Variants in MCTP1 observed in about 807,000 individuals in gnomAD.
MCTP1 encodes multiple C2 and transmembrane domain containing 1.
A neutral mutation model predicts 120.6 loss-of-function variants in MCTP1; 69 were observed. That is an observed-to-expected ratio of 0.57 (90% confidence interval 0.47 to 0.70). The LOEUF (loss-of-function observed/expected upper bound fraction) is 0.70, where lower values mean the gene tolerates loss of function less well. Among genes scored for constraint, MCTP1 ranks in the 30% least tolerant of loss-of-function variants. The pLI is 0.00. For synonymous variants in MCTP1, 529 were observed against 493.1 expected (o/e 1.07, Z -0.96); for missense variants, 1,203 against 1,248.8 (o/e 0.96, Z 0.55).
chr5:94,924,132 C>G, intron 6 of MCTP1, 111 bp from the exon 7 acceptor site: 1 of 539,168 alleles, frequency 1.9e-6, no homozygotes, highest in Non-Finnish European at 3.1e-6. Flanking sequence ...AATTATATAT[C>G]CTAAAGATAC....
chr5:94,821,531 T>G (rs1184614317), intron 17 of MCTP1, among the ~76,000 whole-genome samples: 1 of 152,200 alleles, frequency 6.6e-6, no homozygotes. Flanking sequence ...TATTTAGACA[T>G]GCAATTTGTA....
At chr5:95,004,157 T>C (rs978101209) in intron 2 of MCTP1, among the ~76,000 whole-genome samples, 3 of 152,222 alleles carry the variant, frequency 2.0e-5, no homozygotes, top group African/African-American at 7.2e-5. Context: ...TGTGGAATTC[T>C]GAACTTGAGA....
intron 1 of MCTP1, among the ~76,000 whole-genome samples, chr5:95,220,773 T>C (rs1753598730): frequency 6.6e-6 from 1 of 152,236 alleles, no homozygotes; most frequent in South Asian, 2.1e-4. Flanking sequence ...ACTGTGAAAT[T>C]CTTTACCTCA....
At chr5:95,259,797 CA>C (rs1466290926) in intron 1 of MCTP1, among the ~76,000 whole-genome samples, 1 of 152,168 alleles carries the variant, frequency 6.6e-6, no homozygotes, top group Non-Finnish European at 1.5e-5. Flanking sequence ...GCCACCGGTA[CA>C]ATCCTGCTTC....
At chr5:94,950,366 A>G (rs1024417359) in intron 3 of MCTP1, among the ~76,000 whole-genome samples, 1 of 152,106 alleles carries the variant, frequency 6.6e-6, no homozygotes, top group Non-Finnish European at 1.5e-5. Flanking sequence ...AATCTTATAT[A>G]TTGAAAGTTC....
chr5:95,193,765 A>G (rs1011564138), intron 1 of MCTP1, among the ~76,000 whole-genome samples: 2 of 152,230 alleles, frequency 1.3e-5, no homozygotes, highest in African/African-American at 2.4e-5. Context: ...ATACATATGG[A>G]TATCACAGGA....
intron 17 of MCTP1, among the ~76,000 whole-genome samples, chr5:94,838,197 G>A (rs40625): frequency 0.036 from 5,464 of 152,240 alleles, 138 homozygotes; most frequent in Non-Finnish European, 0.057. Context: ...AGCCATCATC[G>A]TACTTTACAC....
rs182827520 is a variant in MCTP1 at position 94,967,833 on chromosome 5, G to A, written c.839-14472C>T. 4.6e-5 allele frequency among the ~76,000 whole-genome samples: 7 copies of A among 152,272 alleles called. No homozygotes were observed. The East Asian group carries it at 1.3e-3, about 29-fold the overall frequency. ...AAACAGATCCAGGCGAACAACTCTT[G>A]GTAGTTCGTCATCTAATTTTCTCTG... is the stretch of plus-strand genomic sequence containing the variant. On this transcript the variant is annotated intron_variant, in intron 2 of 22. Coordinates refer to ENST00000515393, the MANE Select transcript of MCTP1 (RefSeq NM_024717.7).
At chr5:95,107,563 A>G (rs1429776740) in intron 1 of MCTP1, among the ~76,000 whole-genome samples, 1 of 152,260 alleles carries the variant, frequency 6.6e-6, no homozygotes, top group Non-Finnish European at 1.5e-5. Context: ...TAAGAGGTAC[A>G]GCAAGCCTAA....
intron 1 of MCTP1, among the ~76,000 whole-genome samples, chr5:95,244,973 G>C (rs1756594039): frequency 6.6e-6 from 1 of 152,198 alleles, no homozygotes; most frequent in African/African-American, 2.4e-5. Flanking sequence ...GAAGCTTCCA[G>C]AGGAAGGATC....
chr5:94,704,198 ACACT>A lies in MCTP1; in HGVS notation c.*3294_*3297del, dbSNP rs1198189988. The A allele has an allele frequency of 2.0e-5, 3 of 151,322 alleles. No individual in the cohort carries two copies. The highest frequency in any genetic ancestry group is 6.6e-5 in the Admixed American group (1 of 15,136). The allele number at this position is 151,322 out of a possible 1,614,324, so 9.4% of individuals were successfully genotyped here. Reference sequence around the variant, plus strand: ...AAACCAACGAATAGACATCATCTGTACACTCACTCACACTAGAGTGTGAAATCAC... The same window carrying A: ...AAACCAACGAATAGACATCATCTGTACACTCACACTAGAGTGTGAAATCAC... On this transcript the variant is annotated 3_prime_UTR_variant, in exon 23 of 23. Transcript: ENST00000515393.
intron 1 of MCTP1, among the ~76,000 whole-genome samples, chr5:95,200,274 G>T (rs1004510199): frequency 6.6e-6 from 1 of 152,032 alleles, no homozygotes; most frequent in African/African-American, 2.4e-5. Flanking sequence ...CAGCCATTAT[G>T]AAAACCAGTA....
intron 19 of MCTP1, among the ~76,000 whole-genome samples, chr5:94,767,039 T>C (rs986040688): frequency 6.6e-6 from 1 of 152,160 alleles, no homozygotes; most frequent in Non-Finnish European, 1.5e-5. Flanking sequence ...ACTAGCCAAC[T>C]AAATCCAACA....
intron 1 of MCTP1, among the ~76,000 whole-genome samples, chr5:95,263,461 A>C (rs1758638954): frequency 6.6e-6 from 1 of 152,178 alleles, no homozygotes; most frequent in Admixed American, 6.5e-5. Flanking sequence ...ATCCAGGCCC[A>C]GGTTGCTGCC....
At chr5:94,829,279 C>T (rs559160348) in intron 17 of MCTP1, among the ~76,000 whole-genome samples, 60 of 152,262 alleles carry the variant, frequency 3.9e-4, no homozygotes, top group African/African-American at 1.2e-3. Context: ...TGCTTCAGCT[C>T]GCCCTCTGTG....
intron 2 of MCTP1, among the ~76,000 whole-genome samples, chr5:94,978,305 A>C (rs1828569689): frequency 6.6e-6 from 1 of 152,156 alleles, no homozygotes; most frequent in East Asian, 1.9e-4. Flanking sequence ...TTTCTAAAAA[A>C]AAATAAAAAT....
At chr5:95,236,055 A>G (rs1755511986) in intron 1 of MCTP1, among the ~76,000 whole-genome samples, 1 of 152,254 alleles carries the variant, frequency 6.6e-6, no homozygotes, top group African/African-American at 2.4e-5. Flanking sequence ...TAAACACAGT[A>G]AAGTTTAAGA....
intron 1 of MCTP1, among the ~76,000 whole-genome samples, chr5:95,117,390 C>CAAAAAAA (rs34952779): frequency 6.1e-5 from 4 of 66,106 alleles, no homozygotes; most frequent in Admixed American, 2.2e-4. Context: ...GACTCCGTCT[C>CAAAAAAA]AAAAAAAAAA....
intron 1 of MCTP1, among the ~76,000 whole-genome samples, chr5:95,233,874 A>G (rs1041284362): frequency 6.6e-6 from 1 of 152,164 alleles, no homozygotes; most frequent in African/African-American, 2.4e-5. Context: ...AAGCAGAAAA[A>G]AGGAAACAGC....
Sources: allele counts gnomAD v4.1 joint callset (sites outside exome capture counted in the v4.1 genomes callset), GRCh38; gene constraint gnomAD v4.1.1; transcripts MANE v1.5; gene names NCBI Gene and HGNC (gene_info 2026-07-23, HGNC 2026-07-21).